The following GNG2 variants were observed in gnomAD, a reference collection of about 807,000 sequenced individuals.
GNG2 encodes guanine nucleotide-binding protein G(I)/G(S)/G(O) subunit gamma-2.
Under a neutral mutation model 5.5 loss-of-function variants are expected in GNG2, and 5 were observed. That is an observed-to-expected ratio of 0.91 (90% CI 0.48 to 1.92). The LOEUF is 1.92. GNG2 is among the 30% of genes most tolerant of loss of function. The pLI, the probability that GNG2 is intolerant of heterozygous loss-of-function variation, is 0.01. For synonymous variants in GNG2, 28 were observed against 32.0 expected, an observed-to-expected ratio of 0.88 and a Z score of 0.42; for missense variants, 55 against 88.4, an observed-to-expected ratio of 0.62 and a Z score of 1.52.
intron 2 of GNG2, among the ~76,000 whole-genome samples, chr14:51,931,429 G>C (rs891216226): frequency 1.3e-4 from 20 of 152,216 alleles, no homozygotes; most frequent in African/African-American, 4.3e-4. Context: ...CACATAGAGA[G>C]GGTGAGTAGG....
At chr14:51,946,780 A>T (rs1284497106) in intron 2 of GNG2, among the ~76,000 whole-genome samples, 1 of 152,186 alleles carries the variant, frequency 6.6e-6, no homozygotes, top group East Asian at 1.9e-4. Context: ...TGGATCCAGT[A>T]TCCATTTTAC....
chr14:51,905,168 T>G (rs549074696), intron 2 of GNG2, among the ~76,000 whole-genome samples: 3 of 152,202 alleles, frequency 2.0e-5, no homozygotes, highest in Non-Finnish European at 4.4e-5. Flanking sequence ...ACTCAGGGAT[T>G]GGAAATAGTT....
chr14:51,911,861 C>G lies in GNG2; in HGVS notation c.-30+34204C>G, dbSNP rs10150861. On this transcript the variant is annotated intron_variant, in intron 2 of 3. Transcript: ENST00000556766. ...ACCATGCCCATCCTGATAGCCTTTT[C>G]TTATGTTTTTTTTTTTTGTTGTTAT... Among the ~76,000 whole-genome samples, 488 of 125,626 alleles carry G rather than the reference C, an allele frequency of 3.9e-3. 45 individuals carry two copies. The highest frequency in any genetic ancestry group is 0.022 in the African/African-American group (467 of 21,414). The allele number at this position is 125,626 out of a possible 152,430, so 82.4% of individuals were successfully genotyped here. A position where few individuals can be genotyped will look rare whatever the true frequency, so the allele number is the denominator to read the frequency against.
intron 2 of GNG2, among the ~76,000 whole-genome samples, chr14:51,926,410 A>C (rs894003787): frequency 1.3e-5 from 2 of 152,244 alleles, no homozygotes; most frequent in African/African-American, 4.8e-5. Context: ...AAGAAAAAAC[A>C]AAGAGTTTAT....
At chr14:51,848,028 C>T (rs916288794) in intron 2 of GNG2, among the ~76,000 whole-genome samples, 1 of 151,820 alleles carries the variant, frequency 6.6e-6, no homozygotes, top group African/African-American at 2.4e-5. Context: ...TCACTCCACA[C>T]TGCCCCCTCC....
At chr14:51,879,375 A>G (rs1594868131) in intron 2 of GNG2, among the ~76,000 whole-genome samples, 1 of 152,224 alleles carries the variant, frequency 6.6e-6, no homozygotes, top group Non-Finnish European at 1.5e-5. Flanking sequence ...ACATGAGGTA[A>G]TGGTCAAATA....
At chr14:51,902,217 T>C (rs977819966) in intron 2 of GNG2, among the ~76,000 whole-genome samples, 3 of 152,170 alleles carry the variant, frequency 2.0e-5, no homozygotes, top group South Asian at 4.1e-4. Flanking sequence ...ATTATAGTTA[T>C]TTAACCAAAC....
rs368214525 is a variant in GNG2 at position 51,969,606 on chromosome 14, A to ATTGT, written c.*2921_*2924dup. 72 of 152,262 alleles carry ATTGT rather than the reference A, an allele frequency of 4.7e-4. No homozygotes were observed. Among genetic ancestry groups the ATTGT allele is most frequent in the African/African-American group, 1.6e-3 (66 of 41,546 alleles). 9.4% of individuals were successfully genotyped at this position (152,262 alleles called of 1,614,324 possible). On this transcript the variant is annotated 3_prime_UTR_variant, in exon 4 of 4. Coordinates refer to ENST00000556766, the MANE Select transcript of GNG2 (RefSeq NM_053064.5). ...TTCTAGCTGCTCTTGGCAATGATGA[A>ATTGT]TTGTTATGTATGCATTAATGTTTTG...
chr14:51,951,644 C>A (rs938044649), intron 3 of GNG2, among the ~76,000 whole-genome samples: 10 of 152,322 alleles, frequency 6.6e-5, no homozygotes, highest in African/African-American at 2.4e-4. Context: ...TTCCTATTTT[C>A]TCCATACCTA....
intron 2 of GNG2, among the ~76,000 whole-genome samples, chr14:51,847,675 C>A (rs890518300): frequency 6.6e-6 from 1 of 152,010 alleles, no homozygotes; most frequent in Admixed American, 6.5e-5. Flanking sequence ...TGAGTTTTAT[C>A]ACAGACGAGA....
intron 2 of GNG2, among the ~76,000 whole-genome samples, chr14:51,935,901 T>G (rs1263239824): frequency 6.6e-6 from 1 of 152,094 alleles, no homozygotes; most frequent in African/African-American, 2.4e-5. Context: ...TCCCTTAAGT[T>G]TTTTATTTGC....
chr14:51,877,339 G>A (rs1022922568), intron 1 of GNG2, among the ~76,000 whole-genome samples: 1 of 152,178 alleles, frequency 6.6e-6, no homozygotes, highest in Non-Finnish European at 1.5e-5. Flanking sequence ...AGGTTCCTAA[G>A]TGGCCTTTGT....
chr14:51,939,193 C>A (rs1219857126), intron 2 of GNG2, among the ~76,000 whole-genome samples: 1 of 152,088 alleles, frequency 6.6e-6, no homozygotes, highest in Non-Finnish European at 1.5e-5. Flanking sequence ...TCTAAGAATG[C>A]CAGCTCCCAT....
chr14:51,956,525 T>G (rs1889281147), intron 3 of GNG2, among the ~76,000 whole-genome samples: 1 of 152,072 alleles, frequency 6.6e-6, no homozygotes, highest in South Asian at 2.1e-4. Context: ...GTATGTAGAG[T>G]GGTGTGAGTA....
At chr14:51,952,512 G>A (rs1044149337) in intron 3 of GNG2, among the ~76,000 whole-genome samples, 2 of 152,178 alleles carry the variant, frequency 1.3e-5, no homozygotes, top group African/African-American at 4.8e-5. Flanking sequence ...GGGAGAGGAG[G>A]TTCTGCCCAT....
intron 2 of GNG2, among the ~76,000 whole-genome samples, chr14:51,939,416 GTAAAGT>G (rs1368993950): frequency 2.6e-5 from 4 of 152,192 alleles, no homozygotes; most frequent in Non-Finnish European, 5.9e-5. Context: ...GCTGCATCTT[GTAAAGT>G]TAATGTTTTC....
intron 2 of GNG2, among the ~76,000 whole-genome samples, chr14:51,843,465 T>C (rs938684573): frequency 6.6e-6 from 1 of 152,058 alleles, no homozygotes; most frequent in Non-Finnish European, 1.5e-5. Flanking sequence ...AAACACTTGA[T>C]GCATGTAGGG....
chr14:51,941,934 G>C (rs1439973207), intron 2 of GNG2, among the ~76,000 whole-genome samples: 2 of 152,158 alleles, frequency 1.3e-5, no homozygotes, highest in Non-Finnish European at 2.9e-5. Context: ...GGGATAATTA[G>C]GGCATTCTTT....
chr14:51,877,897 G>A (rs1230953514), intron 2 of GNG2: 1 of 282,418 alleles, frequency 3.5e-6, no homozygotes, highest in Non-Finnish European at 7.0e-6. Context: ...AACCTGAGTT[G>A]GAGAGCCTTT....
Sources: gnomAD v4.1 joint callset for allele counts (sites outside exome capture counted in the v4.1 genomes callset) on GRCh38, gnomAD v4.1.1 for gene constraint, MANE v1.5 for transcripts, NCBI Gene and HGNC (gene_info 2026-07-23, HGNC 2026-07-21) for gene names.